Variants in MBD2 observed in about 807,000 individuals in gnomAD.
MBD2 encodes methyl-CpG binding domain protein 2, also known as methyl-CpG-binding domain protein 2.
MBD2 carries 9 observed loss-of-function variants against 39.3 expected under a neutral mutation model. The observed-to-expected ratio is 0.23, with a 90% CI of 0.14 to 0.40. MBD2 has a LOEUF of 0.40. MBD2 is among the 10% of genes least tolerant of loss of function. MBD2 has a pLI of 1.00. For synonymous variants in MBD2, 233 were observed against 211.1 expected (o/e 1.10, Z -0.90); for missense variants, 458 against 532.6 (o/e 0.86, Z 1.38).
chr18:54,156,479 T>C (rs2086052235), intron 6 of MBD2, among the ~76,000 whole-genome samples: 2 of 152,188 alleles, frequency 1.3e-5, no homozygotes, highest in African/African-American at 2.4e-5. Flanking sequence ...GTAAGTATAG[T>C]GCCAGTGCCT....
At chr18:54,204,619 A>T (rs1175145160) in intron 2 of MBD2, among the ~76,000 whole-genome samples, 1 of 152,236 alleles carries the variant, frequency 6.6e-6, no homozygotes, top group Non-Finnish European at 1.5e-5. Context: ...TCAAAATCTG[A>T]ACCTGAAAAT....
At chr18:54,207,384 T>C (rs1359966792) in intron 1 of MBD2, among the ~76,000 whole-genome samples, 2 of 152,212 alleles carry the variant, frequency 1.3e-5, no homozygotes, top group Admixed American at 1.3e-4. Flanking sequence ...TCAGAAATAA[T>C]CTACTACCAC....
At chr18:54,223,182 TCACA>T (rs2086629764) in intron 1 of MBD2, among the ~76,000 whole-genome samples, 1 of 152,146 alleles carries the variant, frequency 6.6e-6, no homozygotes, top group South Asian at 2.1e-4. Flanking sequence ...GCTTACTGGG[TCACA>T]CAAACTGAAG....
At chr18:54,219,165 C>A (rs2086587624) in intron 1 of MBD2, among the ~76,000 whole-genome samples, 1 of 152,160 alleles carries the variant, frequency 6.6e-6, no homozygotes, top group Non-Finnish European at 1.5e-5. Context: ...CTATGAGCAA[C>A]CTATTTACCA....
intron 3 of MBD2, among the ~76,000 whole-genome samples, chr18:54,176,715 C>T (rs1023960060): frequency 6.6e-6 from 1 of 152,158 alleles, no homozygotes; most frequent in Admixed American, 6.5e-5. Flanking sequence ...AACTTAAATA[C>T]CATGGCCTGC....
rs1023538431 is a variant in MBD2, at chr18:54,188,791, A to G, written c.840+83T>C. 34 of 1,434,794 alleles carry G rather than the reference A, an allele frequency of 2.4e-5. No homozygotes were observed. In the Admixed American group the frequency reaches 6.2e-4, roughly 26 times the overall value. 88.9% of individuals were successfully genotyped at this position (1,434,794 alleles called of 1,614,324 possible). A position where few individuals can be genotyped will look rare whatever the true frequency, so the allele number is the denominator to read the frequency against. On this transcript the variant is annotated intron_variant, in intron 3 of 6. Transcript: ENST00000256429. The stretch of plus-strand genomic sequence containing the variant: ...TTCTTTCCAAATATACTCCATTTTA[A>G]CCAGAATTTATTTGAATTATTTCTG...
intron 4 of MBD2, among the ~76,000 whole-genome samples, chr18:54,165,238 T>C (rs1471694752): frequency 6.6e-6 from 1 of 152,224 alleles, no homozygotes; most frequent in Non-Finnish European, 1.5e-5. Flanking sequence ...GCAAGCTGTA[T>C]CTGTGGCTTT....
At chr18:54,206,371 T>C (rs1261284354) in intron 1 of MBD2, among the ~76,000 whole-genome samples, 1 of 152,196 alleles carries the variant, frequency 6.6e-6, no homozygotes, top group Admixed American at 6.5e-5. Flanking sequence ...TAAATAAATG[T>C]GCTAGAACAA....
chr18:54,204,860 T>C, intron 2 of MBD2, 138 bp downstream of exon 2: 1 of 721,002 alleles, frequency 1.4e-6, no homozygotes, highest in Non-Finnish European at 2.4e-6. Flanking sequence ...TCTCTCTTGC[T>C]GGGACAGGGT....
intron 3 of MBD2, chr18:54,187,711 T>C: frequency 1.0e-6 from 1 of 985,914 alleles, no homozygotes; most frequent in Non-Finnish European, 1.2e-6. Context: ...GTGATACACT[T>C]ACATGGCCCC....
At chr18:54,159,044 G>T in intron 6 of MBD2, among the ~76,000 whole-genome samples, 1 of 152,190 alleles carries the variant, frequency 6.6e-6, no homozygotes, top group East Asian at 1.9e-4. Flanking sequence ...GATTTTGCCT[G>T]CTTTGCCACC....
chr18:54,191,196 A>C (rs1473835954), intron 2 of MBD2, among the ~76,000 whole-genome samples: 8 of 152,216 alleles, frequency 5.3e-5, no homozygotes, highest in African/African-American at 1.7e-4. Flanking sequence ...GTTAAAACAC[A>C]GGTGACTGAG....
chr18:54,178,348 C>G (rs2086226954), intron 3 of MBD2, among the ~76,000 whole-genome samples: 1 of 151,796 alleles, frequency 6.6e-6, no homozygotes, highest in South Asian at 2.1e-4. Context: ...AGTATATAAA[C>G]ACAGTGACAG....
At chr18:54,213,226 C>T (rs996829688) in intron 1 of MBD2, among the ~76,000 whole-genome samples, 1 of 152,128 alleles carries the variant, frequency 6.6e-6, no homozygotes, top group African/African-American at 2.4e-5. Context: ...CCGGGAGGTA[C>T]AGCAGGAGAC....
intron 3 of MBD2, among the ~76,000 whole-genome samples, chr18:54,168,643 G>A (rs2144286644): frequency 7.1e-6 from 1 of 141,640 alleles, no homozygotes; most frequent in South Asian, 2.1e-4. Flanking sequence ...GTGTGTGTGT[G>A]TGTGTGTGTG....
chr18:54,208,705 A>C (rs1285565051), intron 1 of MBD2, among the ~76,000 whole-genome samples: 1 of 152,238 alleles, frequency 6.6e-6, no homozygotes, highest in African/African-American at 2.4e-5. Flanking sequence ...TGAGGGAATC[A>C]ATTGACAAAC....
intron 1 of MBD2, among the ~76,000 whole-genome samples, chr18:54,212,337 T>C (rs965112215): frequency 1.3e-5 from 2 of 152,200 alleles, no homozygotes; most frequent in African/African-American, 4.8e-5. Flanking sequence ...TGAACCCATA[T>C]AGTAATTATT....
intron 5 of MBD2, chr18:54,160,139 A>C (rs1055985609): frequency 6.8e-6 from 3 of 444,382 alleles, no homozygotes; most frequent in Non-Finnish European, 1.2e-5. Context: ...AAATTCTAGA[A>C]AGAGCAGATT....
At chr18:54,156,141 T>C (rs1464523965) in intron 6 of MBD2, among the ~76,000 whole-genome samples, 1 of 152,224 alleles carries the variant, frequency 6.6e-6, no homozygotes, top group Non-Finnish European at 1.5e-5. Flanking sequence ...CCACAGGTTA[T>C]TACGGACAGC....
Sources: allele counts gnomAD v4.1 joint callset (sites outside exome capture counted in the v4.1 genomes callset), GRCh38; gene constraint gnomAD v4.1.1; transcripts MANE v1.5; gene names NCBI Gene and HGNC (gene_info 2026-07-23, HGNC 2026-07-21).